DPP6: variants seen among roughly 807,000 people sequenced by gnomAD.
DPP6 encodes A-type potassium channel modulatory protein DPP6.
A neutral mutation model predicts 122.6 loss-of-function variants in DPP6; 69 were observed. That is an observed-to-expected ratio of 0.56 (90% CI 0.46 to 0.69). The LOEUF (loss-of-function observed/expected upper bound fraction) is 0.69. Ranked by LOEUF, DPP6 falls within the 30% of genes least tolerant of loss-of-function variation. The pLI is 0.00. For missense variants in DPP6, 928 were observed against 1,116.9 expected, an observed-to-expected ratio of 0.83 and a Z score of 2.41; for synonymous variants, 418 against 433.1, an observed-to-expected ratio of 0.97 and a Z score of 0.43.
At chr7:154,138,992 T>C (rs1438444446) in intron 1 of DPP6, among the ~76,000 whole-genome samples, 1 of 152,110 alleles carries the variant, frequency 6.6e-6, no homozygotes, top group African/African-American at 2.4e-5. Context: ...AATCCATTTA[T>C]GCGGCTCTCT....
chr7:153,777,835 C>T, the DPP6 span, among the ~76,000 whole-genome samples: 1 of 142,872 alleles, frequency 7.0e-6, no homozygotes, highest in African/African-American at 3.0e-5. Context: ...GTGATTTTAT[C>T]CATTTGTCAA....
At chr7:154,083,584 C>T (rs1455091109) in intron 1 of DPP6, among the ~76,000 whole-genome samples, 1 of 150,782 alleles carries the variant, frequency 6.6e-6, no homozygotes, top group Non-Finnish European at 1.5e-5. Context: ...TTCTCTTCAG[C>T]ATGACTGAGG....
the DPP6 span, among the ~76,000 whole-genome samples, chr7:153,800,343 G>A: frequency 6.6e-6 from 1 of 152,134 alleles, no homozygotes; most frequent in Non-Finnish European, 1.5e-5. Flanking sequence ...ATATTGTATG[G>A]TCTCACTCAT....
chr7:154,647,786 C>T (rs1225743263), intron 6 of DPP6, among the ~76,000 whole-genome samples: 1 of 152,168 alleles, frequency 6.6e-6, no homozygotes, highest in African/African-American at 2.4e-5. Context: ...GCTGGTGAAT[C>T]AGCACGCGTG....
At position 154,863,618 on chromosome 7, in the gene DPP6, T is replaced by C. The variant is rs978008172; in HGVS notation, c.1715-4377T>C. ...TCTCTTGAGTCCAGGAGTTTGAGAC[T>C]AGCCTGGGAAACACAATGAGACCCT... On this transcript the variant is annotated intron_variant, in intron 17 of 25. Transcript: ENST00000377770. This position sits in a 1 kb window ranked among gnomAD's most constrained non-coding sequence, Gnocchi z 4.1. Among the ~76,000 whole-genome samples, 1 of 152,124 alleles carries C rather than the reference T, an allele frequency of 6.6e-6. No homozygotes were observed. Among genetic ancestry groups the C allele is most frequent in the Non-Finnish European group, 1.5e-5 (1 of 68,024 alleles).
upstream of DPP6, among the ~76,000 whole-genome samples, chr7:153,885,913 G>A (rs1325260723): frequency 2.6e-5 from 4 of 152,082 alleles, no homozygotes; most frequent in Non-Finnish European, 5.9e-5. Flanking sequence ...GTTTGCATGT[G>A]GGCATTGTGG....
chr7:154,588,001 A>C, intron 5 of DPP6: 1 of 1,612,874 alleles, frequency 6.2e-7, no homozygotes, highest in Non-Finnish European at 8.5e-7. Context: ...CGAGTGTGGC[A>C]GGTGTGAGGC....
intron 1 of DPP6, among the ~76,000 whole-genome samples, chr7:153,960,473 C>T (rs540994653): frequency 7.9e-5 from 12 of 152,096 alleles, no homozygotes; most frequent in African/African-American, 2.9e-4. Context: ...CTTCACCTTC[C>T]TGCAAAAGAT....
chr7:154,038,051 T>C lies in DPP6; in HGVS notation c.51+150317T>C, dbSNP rs1347176442. Reference sequence around the variant, plus strand: ...ATAAATCCCCCACACATAAAACATATAATGATACATTCAGAGAAAGATTCT... The same window carrying C: ...ATAAATCCCCCACACATAAAACATACAATGATACATTCAGAGAAAGATTCT... On this transcript the variant is annotated intron_variant, in intron 1 of 25. Transcript: ENST00000404039. Among the ~76,000 whole-genome samples, 6 of 138,540 alleles carry C rather than the reference T, an allele frequency of 4.3e-5. No homozygotes were observed. The East Asian group carries it at 1.3e-3, about 30-fold the overall frequency. 90.9% of individuals were successfully genotyped at this position (138,540 alleles called of 152,430 possible). A position where few individuals can be genotyped will look rare whatever the true frequency, so the allele number is the denominator to read the frequency against.
chr7:154,310,554 T>G (rs1240247037), intron 1 of DPP6, among the ~76,000 whole-genome samples: 1 of 152,212 alleles, frequency 6.6e-6, no homozygotes, highest in Non-Finnish European at 1.5e-5. Context: ...CTCTGTGCAT[T>G]AAATGCATTT....
At chr7:154,064,140 C>T (rs1244130022) in intron 1 of DPP6, among the ~76,000 whole-genome samples, 1 of 152,152 alleles carries the variant, frequency 6.6e-6, no homozygotes, top group Non-Finnish European at 1.5e-5. Context: ...AGGGGACACT[C>T]ATCTACCCTG....
At chr7:154,016,856 C>T (rs1214356371) in intron 1 of DPP6, among the ~76,000 whole-genome samples, 1 of 152,044 alleles carries the variant, frequency 6.6e-6, no homozygotes, top group Non-Finnish European at 1.5e-5. Flanking sequence ...GAGAAAACAG[C>T]ACTATGGAGG....
In DPP6 at chr7:154,462,494, CAT is replaced by C. The variant is rs1162003504; in HGVS notation, c.359-12443_359-12442del. Among the ~76,000 whole-genome samples the C allele has an allele frequency of 2.0e-5, 3 of 152,212 alleles. No individual in the cohort carries two copies. In the East Asian group the frequency reaches 5.8e-4, roughly 29 times the overall value. On this transcript the variant is annotated intron_variant, in intron 2 of 25. Transcript: ENST00000377770. ...AATATTGATTCTTATAATCCATTAACATAGAATATATTTTTATTTTTTATGTC... is the reference window on the plus strand; with the variant it reads ...AATATTGATTCTTATAATCCATTAACAGAATATATTTTTATTTTTTATGTC...
chr7:154,772,716 G>A, intron 9 of DPP6, 129 bp from the exon 10 acceptor site: 3 of 1,254,218 alleles, frequency 2.4e-6, no homozygotes, highest in Non-Finnish European at 3.3e-6. Flanking sequence ...CATTAATTCT[G>A]CTCCTTAATA....
At chr7:154,801,018 GT>G (rs533317822) in intron 12 of DPP6, among the ~76,000 whole-genome samples, 106 of 152,004 alleles carry the variant, frequency 7.0e-4, no homozygotes, top group Non-Finnish European at 1.1e-3. Context: ...CTCCTTTTGA[GT>G]TTTGAGAGCA....
At chr7:154,577,228 G>A (rs966392752) in intron 5 of DPP6, among the ~76,000 whole-genome samples, 2 of 152,060 alleles carry the variant, frequency 1.3e-5, no homozygotes, top group East Asian at 1.9e-4. Flanking sequence ...GGGGAGGGTC[G>A]TGGGGAAGGA....
At chr7:154,488,402 T>C (rs1209225184) in intron 3 of DPP6, among the ~76,000 whole-genome samples, 1 of 151,740 alleles carries the variant, frequency 6.6e-6, no homozygotes, top group Non-Finnish European at 1.5e-5. Flanking sequence ...TGAGCCAAGA[T>C]TGCGTCACTG....
chr7:154,702,293 G>T (rs1372086326), intron 7 of DPP6, among the ~76,000 whole-genome samples: 1 of 152,248 alleles, frequency 6.6e-6, no homozygotes, highest in African/African-American at 2.4e-5. Flanking sequence ...TGGCCTGTAA[G>T]TGTTCATAAA....
intron 8 of DPP6, among the ~76,000 whole-genome samples, chr7:154,757,280 G>A (rs1236880213): frequency 1.3e-5 from 2 of 152,106 alleles, no homozygotes; most frequent in Admixed American, 1.3e-4. Context: ...CATCCTCTGA[G>A]GAACTGGCCA....
Sources: gnomAD v4.1 joint callset for allele counts (sites outside exome capture counted in the v4.1 genomes callset) on GRCh38, gnomAD v4.1.1 for gene constraint, Gnocchi (gnomAD v3.1) non-coding constraint, MANE v1.5 for transcripts, NCBI Gene and HGNC (gene_info 2026-07-23, HGNC 2026-07-21) for gene names.